The following SLC28A3 variants were observed in gnomAD, a reference collection of about 807,000 sequenced individuals.
SLC28A3 encodes the protein solute carrier family 28 member 3, also known as concentrative Na(+)-nucleoside cotransporter 3.
In SLC28A3, 68 loss-of-function variants were observed where a neutral mutation model predicts 84.2. The observed-to-expected ratio is 0.81, with a 90% CI of 0.66 to 0.99. The LOEUF (loss-of-function observed/expected upper bound fraction) is 0.99, where lower values mean the gene tolerates loss of function less well. Ranked by LOEUF, SLC28A3 falls within the 50% of genes least tolerant of loss-of-function variation. The pLI is 0.00. For missense variants in SLC28A3, 712 were observed against 841.5 expected, an observed-to-expected ratio of 0.85 and a Z score of 1.90; for synonymous variants, 267 against 303.6, an observed-to-expected ratio of 0.88 and a Z score of 1.25.
intron 1 of SLC28A3, among the ~76,000 whole-genome samples, chr9:84,323,507 T>G (rs924561045): frequency 6.6e-6 from 1 of 150,584 alleles, no homozygotes; most frequent in Non-Finnish European, 1.5e-5. Context: ...TCACTGCAAC[T>G]TCCACCTCCT....
At chr9:84,287,855 C>CTT (rs1215542117) in intron 12 of SLC28A3, among the ~76,000 whole-genome samples, 193 bp downstream of exon 12, 1 of 152,034 alleles carries the variant, frequency 6.6e-6, no homozygotes, top group African/African-American at 2.4e-5. Flanking sequence ...TTAAAAAAGT[C>CTT]TTTTTTGAGC....
At chr9:84,362,089 T>C in the SLC28A3 span, among the ~76,000 whole-genome samples, 1 of 152,168 alleles carries the variant, frequency 6.6e-6, no homozygotes, top group Admixed American at 6.6e-5. Flanking sequence ...GTTTTTTGTG[T>C]TACTAAAACT....
chr9:84,318,729 C>T (rs1826256891), intron 1 of SLC28A3, among the ~76,000 whole-genome samples: 1 of 151,878 alleles, frequency 6.6e-6, no homozygotes, highest in Non-Finnish European at 1.5e-5. Context: ...ATTAGCCGGG[C>T]GTGGTGGCCT....
Position 84,296,039 on chromosome 9 carries a change from A to G in SLC28A3, c.861+1182T>C, listed in dbSNP as rs997090507. ...AGAGGATTCTGCATTGGCAGGAAAGAATAGGGGCCACTGCCCTGGAAGAGG... is the reference window on the plus strand; with the variant it reads ...AGAGGATTCTGCATTGGCAGGAAAGGATAGGGGCCACTGCCCTGGAAGAGG... On this transcript the variant is annotated intron_variant, in intron 8 of 17. Coordinates refer to ENST00000376238, the MANE Select transcript of SLC28A3 (RefSeq NM_001199633.2). Among the ~76,000 whole-genome samples the G allele has an allele frequency of 4.6e-5, 7 of 152,326 alleles. No homozygotes were observed. In the East Asian group the frequency reaches 1.3e-3, roughly 29 times the overall value.
At chr9:84,311,568 A>T (rs1588599611) in intron 2 of SLC28A3, among the ~76,000 whole-genome samples, 2 of 151,776 alleles carry the variant, frequency 1.3e-5, no homozygotes, top group Non-Finnish European at 2.9e-5. Context: ...AAATCTTCTT[A>T]TGGCCAGGCG....
intron 3 of SLC28A3, among the ~76,000 whole-genome samples, chr9:84,306,743 A>T (rs1196313376): frequency 6.6e-6 from 1 of 152,126 alleles, no homozygotes; most frequent in Non-Finnish European, 1.5e-5. Flanking sequence ...TGTTCAACAG[A>T]CATGTATTGA....
At chr9:84,359,565 T>G in the SLC28A3 span, among the ~76,000 whole-genome samples, 1 of 152,220 alleles carries the variant, frequency 6.6e-6, no homozygotes, top group Non-Finnish European at 1.5e-5. Flanking sequence ...ATCCCATTTG[T>G]GGGCATATTA....
chr9:84,328,073 A>G (rs1353539912), intron 1 of SLC28A3, among the ~76,000 whole-genome samples: 1 of 151,828 alleles, frequency 6.6e-6, no homozygotes, highest in Non-Finnish European at 1.5e-5. Context: ...GGGAAAAACA[A>G]CAAGCCAATC....
chr9:84,304,473 AC>A (rs1206695275), intron 4 of SLC28A3, among the ~76,000 whole-genome samples: 5 of 150,982 alleles, frequency 3.3e-5, no homozygotes, highest in Non-Finnish European at 7.4e-5. Flanking sequence ...AAAAAAAAAA[AC>A]AAAAACAAAC....
chr9:84,340,960 C>T (rs1054411834), upstream of SLC28A3, among the ~76,000 whole-genome samples: 1 of 150,792 alleles, frequency 6.6e-6, no homozygotes, highest in African/African-American at 2.4e-5. Flanking sequence ...GAAAAGGACA[C>T]TTTCTTTTTC....
intron 2 of SLC28A3, chr9:84,310,507 G>A: frequency 1.0e-6 from 1 of 985,426 alleles, no homozygotes; most frequent in Non-Finnish European, 1.2e-6. Context: ...TGGAGGTGGA[G>A]CAGTTTGAGT....
the SLC28A3 span, among the ~76,000 whole-genome samples, chr9:84,362,764 C>T: frequency 2.8e-3 from 431 of 152,032 alleles, 4 homozygotes; most frequent in African/African-American, 8.9e-3. Flanking sequence ...CTGGTGAAGC[C>T]TACAGCCCTC....
chr9:84,361,758 A>T, the SLC28A3 span, among the ~76,000 whole-genome samples: 8,863 of 151,856 alleles, frequency 0.058, 477 homozygotes, highest in African/African-American at 0.14. Flanking sequence ...GAAAAAAAAA[A>T]AATAATAAGC....
At chr9:84,353,583 G>A in the SLC28A3 span, among the ~76,000 whole-genome samples, 6 of 152,060 alleles carry the variant, frequency 3.9e-5, no homozygotes, top group Admixed American at 2.0e-4. Flanking sequence ...GTTGATGCGC[G>A]CCTGTAATCC....
At chr9:84,279,535 G>C in intron 16 of SLC28A3, 150 bp from the exon 17 acceptor site, 1 of 511,734 alleles carries the variant, frequency 2.0e-6, no homozygotes, top group Non-Finnish European at 2.9e-6. Context: ...TCTGCCTCCC[G>C]GGTTCAAGCG....
rs1824600857 is a variant in SLC28A3 at position 84,278,357 on chromosome 9, G to A, written c.1950-13C>T. 1.2e-6 allele frequency: 2 copies of A among 1,613,520 alleles called. No individual in the cohort carries two copies. The highest frequency in any genetic ancestry group is 1.7e-6 in the Non-Finnish European group (2 of 1,179,802). Reference sequence around the variant, plus strand: ...CTTGGCAACAGTGCTGGTGGAAAGTGGAAAGAAACAGTTACATGAGCCATA... The same window carrying A: ...CTTGGCAACAGTGCTGGTGGAAAGTAGAAAGAAACAGTTACATGAGCCATA... On this transcript the variant is annotated splice_polypyrimidine_tract_variant and intron_variant, in intron 17 of 17. Transcript: ENST00000376238.
intron 1 of SLC28A3, among the ~76,000 whole-genome samples, chr9:84,333,416 C>T (rs1826860681): frequency 6.6e-6 from 1 of 152,108 alleles, no homozygotes; most frequent in Non-Finnish European, 1.5e-5. Flanking sequence ...TTGACTTTTC[C>T]CTTTGGTTAA....
chr9:84,298,506 A>T (rs1247856869), intron 6 of SLC28A3, among the ~76,000 whole-genome samples: 2 of 151,910 alleles, frequency 1.3e-5, no homozygotes, highest in African/African-American at 4.8e-5. Flanking sequence ...ACAAAAACAA[A>T]CTCAGCATTG....
chr9:84,334,574 A>G (rs1826902747), intron 1 of SLC28A3, among the ~76,000 whole-genome samples: 1 of 152,066 alleles, frequency 6.6e-6, no homozygotes, highest in Non-Finnish European at 1.5e-5. Context: ...AGTTCGCCTT[A>G]TAAGTTGTAT....
Sources: gnomAD v4.1 joint callset for allele counts (sites outside exome capture counted in the v4.1 genomes callset) on GRCh38, gnomAD v4.1.1 for gene constraint, MANE v1.5 for transcripts, NCBI Gene and HGNC (gene_info 2026-07-23, HGNC 2026-07-21) for gene names.